Variants in ISM1 observed in about 807,000 individuals in gnomAD.
ISM1 encodes isthmin-1.
ISM1 carries 25 observed loss-of-function variants against 46.3 expected under a neutral mutation model. That is an observed-to-expected ratio of 0.54 (90% confidence interval 0.39 to 0.75). ISM1 has a LOEUF of 0.75. Among genes scored for constraint, ISM1 ranks in the 30% least tolerant of loss-of-function variants. The pLI is 0.00. For missense variants in ISM1, 536 were observed against 625.4 expected (o/e 0.86, Z 1.52); for synonymous variants, 255 against 256.7 (o/e 0.99, Z 0.06).
chr20:13,235,132 G>T (rs775820799), intron 1 of ISM1, among the ~76,000 whole-genome samples: 1 of 152,084 alleles, frequency 6.6e-6, no homozygotes. Context: ...CACACTCATG[G>T]GTCCATGGGT....
At chr20:13,224,868 C>T (rs766851516) in intron 1 of ISM1, among the ~76,000 whole-genome samples, 33 of 113,606 alleles carry the variant, frequency 2.9e-4, no homozygotes, top group Non-Finnish European at 3.9e-4. Context: ...TTTTTTGAGA[C>T]GCAGTCTTGC....
chr20:13,237,422 C>T (rs1600488837), intron 1 of ISM1, among the ~76,000 whole-genome samples: 1 of 152,186 alleles, frequency 6.6e-6, no homozygotes, highest in Admixed American at 6.5e-5. Flanking sequence ...GCAACATGCA[C>T]AATTTCACAA....
At chr20:13,246,382 C>T (rs111901398) in intron 1 of ISM1, among the ~76,000 whole-genome samples, 5,506 of 152,198 alleles carry the variant, frequency 0.036, 168 homozygotes, top group African/African-American at 0.077. Flanking sequence ...CTTCCTGCTC[C>T]CTGCCTATCT....
At chr20:13,226,201 T>C (rs1055989991) in intron 1 of ISM1, among the ~76,000 whole-genome samples, 5 of 152,218 alleles carry the variant, frequency 3.3e-5, no homozygotes, top group African/African-American at 9.6e-5. Context: ...TATGAACACT[T>C]TCCATCTTTT....
chr20:13,323,230 G>A, the ISM1 span, among the ~76,000 whole-genome samples: 19 of 152,248 alleles, frequency 1.2e-4, no homozygotes, highest in African/African-American at 4.3e-4. Context: ...TTGTAAAGCA[G>A]GAGAAACACA....
intron 4 of ISM1, among the ~76,000 whole-genome samples, chr20:13,290,420 C>T (rs112087006): frequency 0.013 from 1,923 of 152,256 alleles, 45 homozygotes; most frequent in African/African-American, 0.044. Context: ...GAGGCCGAGG[C>T]GGGCAGATCA....
chr20:13,264,179 C>A (rs2123230734), intron 1 of ISM1, among the ~76,000 whole-genome samples: 1 of 152,310 alleles, frequency 6.6e-6, no homozygotes, highest in African/African-American at 2.4e-5. Context: ...AGGGCCTGTT[C>A]TTTGCCTTTC....
chr20:13,256,055 C>T (rs774708203), intron 1 of ISM1, among the ~76,000 whole-genome samples: 19 of 151,870 alleles, frequency 1.3e-4, no homozygotes, highest in Non-Finnish European at 1.9e-4. Flanking sequence ...GCTGGGAGTT[C>T]GAAACCCTGT....
At chr20:13,282,927 A>G (rs1339592286) in intron 3 of ISM1, among the ~76,000 whole-genome samples, 3 of 152,240 alleles carry the variant, frequency 2.0e-5, no homozygotes, top group African/African-American at 7.2e-5. Context: ...GGCAGAATGA[A>G]TGAATGAGTG....
chr20:13,325,061 T>C, the ISM1 span, among the ~76,000 whole-genome samples: 5 of 152,236 alleles, frequency 3.3e-5, no homozygotes, highest in Admixed American at 6.5e-5. Context: ...CTGTTTATTT[T>C]ATAGGTAGTG....
chr20:13,237,720 TAA>T (rs2123154586), intron 1 of ISM1: 1 of 152,272 alleles, frequency 6.6e-6, no homozygotes, highest in African/African-American at 2.4e-5. Context: ...TCAATTTTAA[TAA>T]AAGAGTAAAG....
chr20:13,247,517 G>GGGGTGTGTGTGT (rs1183213178), intron 1 of ISM1, among the ~76,000 whole-genome samples: 26 of 139,806 alleles, frequency 1.9e-4, no homozygotes, highest in African/African-American at 6.5e-4. Context: ...CAAAGTGAGG[G>GGGGTGTGTGTGT]GTGTGTGTGT....
At chr20:13,311,251 A>AGATAGATAGAT in the ISM1 span, among the ~76,000 whole-genome samples, 1,766 of 127,372 alleles carry the variant, frequency 0.014, 8 homozygotes, top group African/African-American at 0.019. Flanking sequence ...GATGATAGAT[A>AGATAGATAGAT]GATAGATAGA....
chr20:13,274,135 G>A (rs562367756), intron 2 of ISM1, among the ~76,000 whole-genome samples: 14 of 152,048 alleles, frequency 9.2e-5, no homozygotes, highest in Non-Finnish European at 1.9e-4. Flanking sequence ...ACTAGCTGCT[G>A]CAGCCCCATG....
chr20:13,282,872 T>G (rs1026555202), intron 3 of ISM1, among the ~76,000 whole-genome samples: 1 of 152,152 alleles, frequency 6.6e-6, no homozygotes, highest in Non-Finnish European at 1.5e-5. Flanking sequence ...GACCACACTT[T>G]GAGTAGCAAA....
At chr20:13,300,755 G>T (rs1036350762), downstream of ISM1, 3 of 152,186 alleles carry the variant, frequency 2.0e-5, no homozygotes, top group Non-Finnish European at 4.4e-5. Flanking sequence ...GGAATAAAAG[G>T]CTCATTCATT....
At chr20:13,285,647 T>A (rs2040283611) in intron 3 of ISM1, among the ~76,000 whole-genome samples, 1 of 152,134 alleles carries the variant, frequency 6.6e-6, no homozygotes, top group South Asian at 2.1e-4. Context: ...CCAAAGCAAG[T>A]CATGTGGCCC....
At chr20:13,295,213 C>T (rs886663161) in intron 5 of ISM1, among the ~76,000 whole-genome samples, 1 of 152,194 alleles carries the variant, frequency 6.6e-6, no homozygotes, top group African/African-American at 2.4e-5. Flanking sequence ...CTTCTGATCC[C>T]ACCTGCTGTT....
the ISM1 span, among the ~76,000 whole-genome samples, chr20:13,319,394 A>G: frequency 2.0e-5 from 3 of 152,184 alleles, no homozygotes; most frequent in African/African-American, 7.2e-5. Context: ...CAGAGCTCAG[A>G]GACACAGGAC....
Sources: allele counts gnomAD v4.1 joint callset (sites outside exome capture counted in the v4.1 genomes callset), GRCh38; gene constraint gnomAD v4.1.1; transcripts MANE v1.5; gene names NCBI Gene and HGNC (gene_info 2026-07-23, HGNC 2026-07-21).